CELF4: variants seen among roughly 807,000 people sequenced by gnomAD.
The protein encoded by CELF4 is CUG-BP- and ETR-3-like factor 4.
In CELF4, 18 loss-of-function variants were observed where a neutral mutation model predicts 59.9. The observed-to-expected ratio is 0.30, with a 90% CI of 0.21 to 0.45. The LOEUF (loss-of-function observed/expected upper bound fraction) is 0.45. CELF4 is among the 20% of genes least tolerant of loss of function. The pLI is 1.00. For missense variants in CELF4, 456 were observed against 689.0 expected, an observed-to-expected ratio of 0.66 and a Z score of 3.79; for synonymous variants, 261 against 267.1, an observed-to-expected ratio of 0.98 and a Z score of 0.22.
chr18:37,495,764 C>T (rs2099924455), intron 1 of CELF4, among the ~76,000 whole-genome samples: 1 of 151,962 alleles, frequency 6.6e-6, no homozygotes, highest in South Asian at 2.1e-4. Context: ...CTCTGAAGTC[C>T]CCATCCCTAT....
chr18:37,286,801 C>A (rs1354966979), intron 3 of CELF4, among the ~76,000 whole-genome samples: 1 of 152,128 alleles, frequency 6.6e-6, no homozygotes, highest in Non-Finnish European at 1.5e-5. Flanking sequence ...CCTCTAGCGA[C>A]CCTGGGTTGG....
chr18:37,438,110 GC>G (rs2099699281), intron 2 of CELF4, among the ~76,000 whole-genome samples: 1 of 152,174 alleles, frequency 6.6e-6, no homozygotes, highest in Admixed American at 6.5e-5. Context: ...GGACTTCCCA[GC>G]CCCCAGAACT....
chr18:37,451,837 C>A (rs537398610), intron 2 of CELF4, among the ~76,000 whole-genome samples: 1 of 152,352 alleles, frequency 6.6e-6, no homozygotes, highest in East Asian at 1.9e-4. Context: ...AGCCATCCAT[C>A]CAGTGGGGCC....
chr18:37,321,843 C>CTCGCTG lies in CELF4; in HGVS notation c.402_407dup (p.Asp134_Ser135dup). 6.2e-7 allele frequency: 1 copy of CTCGCTG among 1,613,526 alleles called. No homozygotes were observed. On this transcript the variant is annotated inframe_insertion, in exon 3 of 13. Coordinates refer to ENST00000420428, the MANE Select transcript of CELF4 (RefSeq NM_020180.4). Reference sequence around the variant, plus strand: ...GCAGGCAGCTACTACCTCCTCGGCTCTCGCTGTCCGCAGGCTTCACCTGGA... The same window carrying CTCGCTG: ...GCAGGCAGCTACTACCTCCTCGGCTCTCGCTGTCGCTGTCCGCAGGCTTCACCTGGA...
intron 1 of CELF4, among the ~76,000 whole-genome samples, chr18:37,565,009 C>A (rs1326484018): frequency 6.6e-6 from 1 of 152,022 alleles, no homozygotes; most frequent in African/African-American, 2.4e-5. Context: ...CGCTCAGCGT[C>A]CTGGGCTCGA....
intron 1 of CELF4, among the ~76,000 whole-genome samples, chr18:37,524,331 G>A (rs2099961024): frequency 6.6e-6 from 1 of 152,198 alleles, no homozygotes; most frequent in Non-Finnish European, 1.5e-5. Context: ...AAGGAAAATG[G>A]CCGATTTCAG....
At chr18:37,553,902 C>G (rs1050871746) in intron 1 of CELF4, among the ~76,000 whole-genome samples, 1 of 152,136 alleles carries the variant, frequency 6.6e-6, no homozygotes, top group African/African-American at 2.4e-5. Context: ...AGAAGTTCTT[C>G]GTCTCACCGT....
chr18:37,461,217 G>A (rs1288097371), intron 2 of CELF4, among the ~76,000 whole-genome samples: 4 of 152,194 alleles, frequency 2.6e-5, no homozygotes, highest in Non-Finnish European at 4.4e-5. Flanking sequence ...TGGAGGCAGG[G>A]CTTGAGATTT....
At position 37,530,413 on chromosome 18, in the gene CELF4, G is replaced by A. The variant is rs113869883; in HGVS notation, c.286+34943C>T. 1.0e-3 allele frequency among the ~76,000 whole-genome samples: 153 copies of A among 151,898 alleles called. 1 individual carries two copies. Among genetic ancestry groups the A allele is most frequent in the Middle Eastern group, 3.4e-3 (1 of 294 alleles). ...CACCCCGTGCTTTTCTTGACTGTGG[G>A]TGACTCCAAGCAAGAGCCAAAGTCT... is the stretch of plus-strand genomic sequence containing the variant. On this transcript the variant is annotated intron_variant, in intron 1 of 12. Coordinates refer to ENST00000420428, the MANE Select transcript of CELF4 (RefSeq NM_020180.4).
intron 2 of CELF4, among the ~76,000 whole-genome samples, chr18:37,374,457 C>T (rs1208927948): frequency 6.6e-6 from 1 of 152,204 alleles, no homozygotes; most frequent in East Asian, 1.9e-4. Flanking sequence ...GGAGCCCACT[C>T]CTCTCTGATC....
intron 2 of CELF4, among the ~76,000 whole-genome samples, chr18:37,437,795 C>G (rs1322368311): frequency 1.3e-5 from 2 of 152,204 alleles, no homozygotes; most frequent in African/African-American, 4.8e-5. Flanking sequence ...CACATCAGCA[C>G]TGGGAGCTGT....
At chr18:37,367,087 C>G (rs553077615) in intron 2 of CELF4, among the ~76,000 whole-genome samples, 1 of 152,256 alleles carries the variant, frequency 6.6e-6, no homozygotes, top group African/African-American at 2.4e-5. Flanking sequence ...AGAAACTTGG[C>G]AAGCTATGCG....
intron 2 of CELF4, among the ~76,000 whole-genome samples, chr18:37,322,818 G>A (rs941644426): frequency 3.3e-5 from 5 of 152,212 alleles, no homozygotes; most frequent in African/African-American, 1.2e-4. Flanking sequence ...TCTTGCATCT[G>A]CATTTCTCTC....
At chr18:37,321,730 G>A (rs542125921) in intron 3 of CELF4, 73 bp downstream of exon 3, 35 of 1,128,440 alleles carry the variant, frequency 3.1e-5, no homozygotes, top group East Asian at 1.5e-4. Context: ...TCGCTGCATC[G>A]CCTTGCTGCG....
In CELF4 at chr18:37,407,761, C is replaced by T. The variant is rs8089694; in HGVS notation, c.369+77764G>A. On this transcript the variant is annotated intron_variant, in intron 2 of 12. Coordinates refer to ENST00000420428, the MANE Select transcript of CELF4 (RefSeq NM_020180.4). ...TCTGCATCTGTCCTTCCCTCCCCTGCTCCTTGCCTTCTGTCTGCTCTCCAG... is the reference window on the plus strand; with the variant it reads ...TCTGCATCTGTCCTTCCCTCCCCTGTTCCTTGCCTTCTGTCTGCTCTCCAG... Among the ~76,000 whole-genome samples the T allele has an allele frequency of 6.9e-3, 1,052 of 152,192 alleles. 14 individuals are homozygous for T. Among genetic ancestry groups the T allele is most frequent in the African/African-American group, 0.024 (1,006 of 41,524 alleles).
chr18:37,259,261 G>C lies in CELF4; in HGVS notation c.1253C>G (p.Pro418Arg). ...GTAGATGAACAGGTTACAGCCCTCG[G>C]GCCCTGCGGTGAGGGGAGGGGGTGG... ...PMIPQQQREG[P>R]EGCNLFIYHL... The change falls in exon 11 of 13, where the codon CCC becomes CGC. Residue 418 changes from proline to arginine, a missense_variant. Pro to Arg is a moderately radical substitution (Grantham distance 103). Around this residue, in one of 7 missense-constraint regions of CELF4, gnomAD observed 256 missense variants for 340.8 expected, o/e 0.75. Coordinates refer to ENST00000420428, the MANE Select transcript of CELF4 (RefSeq NM_020180.4). 6.5e-7 allele frequency: 1 copy of C among 1,531,898 alleles called. No individual in the cohort carries two copies. Among genetic ancestry groups the C allele is most frequent in the Non-Finnish European group, 8.9e-7 (1 of 1,117,734 alleles). 94.9% of individuals were successfully genotyped at this position (1,531,898 alleles called of 1,614,324 possible).
intron 2 of CELF4, among the ~76,000 whole-genome samples, chr18:37,482,691 C>T (rs528086217): frequency 6.6e-6 from 1 of 152,194 alleles, no homozygotes; most frequent in South Asian, 2.1e-4. Flanking sequence ...GCTAGGGGTG[C>T]CTCTAGTTCT....
In CELF4 at chr18:37,253,889, G is replaced by C. The variant is rs1234847219; in HGVS notation, c.1383C>G (p.Ala461=). 9 of 1,609,064 alleles carry C rather than the reference G, an allele frequency of 5.6e-6. No individual in the cohort carries two copies. The highest frequency in any genetic ancestry group is 7.6e-6 in the Non-Finnish European group (9 of 1,178,048). The change falls in exon 12 of 13, where the codon GCC becomes GCG. Residue 461 remains alanine, a synonymous_variant. Transcript: ENST00000420428. This position sits in a 1 kb window ranked among gnomAD's most constrained non-coding sequence, Gnocchi z 4.5. ...NPASAQTAIQ[A]MNGFQIGMKR... ...TCATGCCGATCTGGAAGCCGTTCAT[G>C]GCCTGGATGGCGGTCTGCGCGCTGG...
intron 1 of CELF4, among the ~76,000 whole-genome samples, chr18:37,545,970 G>C (rs1045572125): frequency 6.6e-6 from 1 of 152,106 alleles, no homozygotes; most frequent in Non-Finnish European, 1.5e-5. Flanking sequence ...CACCCAACTA[G>C]GTTGCCCACA....
Sources: gnomAD v4.1 joint callset for allele counts (sites outside exome capture counted in the v4.1 genomes callset) on GRCh38, gnomAD v4.1.1 for gene constraint, gnomAD v4.1.1 regional missense constraint, Gnocchi (gnomAD v3.1) non-coding constraint, MANE v1.5 for transcripts, NCBI Gene and HGNC (gene_info 2026-07-23, HGNC 2026-07-21) for gene names.